The following PTPRN2 variants were observed in gnomAD, a reference collection of about 807,000 sequenced individuals.
The protein encoded by PTPRN2 is protein tyrosine phosphatase receptor type N2.
Under a neutral mutation model 118.8 loss-of-function variants are expected in PTPRN2, and 74 were observed. The observed-to-expected ratio is 0.62, with a 90% confidence interval of 0.52 to 0.76. The LOEUF is 0.76. PTPRN2 is among the 30% of genes least tolerant of loss of function. The probability of loss-of-function intolerance (pLI) is 0.00; values close to 1 mark genes in which losing one functional copy is unlikely to be tolerated. For missense variants in PTPRN2, 1,481 were observed against 1,394.4 expected (o/e 1.06, Z -0.99); for synonymous variants, 641 against 608.0 (o/e 1.05, Z -0.80).
intron 13 of PTPRN2, among the ~76,000 whole-genome samples, chr7:157,677,007 A>G (rs1796701173): frequency 6.6e-6 from 1 of 152,078 alleles, no homozygotes; most frequent in Non-Finnish European, 1.5e-5. Context: ...GTGCTGTGTG[A>G]GCACCCATCC....
In PTPRN2 at chr7:157,540,795, G is replaced by A. The variant is rs756935064; in HGVS notation, c.2977-10C>T. 1.0e-5 allele frequency: 16 copies of A among 1,552,388 alleles called. No homozygotes were observed. The East Asian group carries it at 3.6e-4, about 35-fold the overall frequency. Reference sequence around the variant, plus strand: ...CGAACTCAAACTGCTCCTGCAGGGCGAGAAACGAGAGAAGTGCCAATGAGA... The same window carrying A: ...CGAACTCAAACTGCTCCTGCAGGGCAAGAAACGAGAGAAGTGCCAATGAGA... On this transcript the variant is annotated splice_polypyrimidine_tract_variant and intron_variant, in intron 22 of 22. Transcript: ENST00000389418.
chr7:158,129,372 A>G (rs1199264804), intron 9 of PTPRN2, among the ~76,000 whole-genome samples: 1 of 150,244 alleles, frequency 6.7e-6, no homozygotes, highest in Non-Finnish European at 1.5e-5. Flanking sequence ...CACACCACAC[A>G]CAAACAACAC....
At chr7:157,613,966 G>A in intron 15 of PTPRN2, 3 of 468,418 alleles carry the variant, frequency 6.4e-6, no homozygotes, top group Non-Finnish European at 8.9e-6. Flanking sequence ...TCACAACTGT[G>A]ACTCTGTGAG....
chr7:158,253,464 G>C (rs1027746513), intron 3 of PTPRN2, among the ~76,000 whole-genome samples: 1 of 152,208 alleles, frequency 6.6e-6, no homozygotes, highest in African/African-American at 2.4e-5. Flanking sequence ...CAGTCACCGG[G>C]TGATTGCCGC....
intron 2 of PTPRN2, among the ~76,000 whole-genome samples, chr7:158,419,677 A>G (rs1305394307): frequency 6.6e-6 from 1 of 152,166 alleles, no homozygotes; most frequent in African/African-American, 2.4e-5. Flanking sequence ...CTTGGAGAAG[A>G]GAGTCGAATT....
chr7:158,383,542 C>T (rs1263774000), intron 2 of PTPRN2, among the ~76,000 whole-genome samples: 1 of 152,150 alleles, frequency 6.6e-6, no homozygotes, highest in Non-Finnish European at 1.5e-5. Flanking sequence ...GAACCAAAGA[C>T]TTTAAATAGC....
chr7:157,860,253 C>T (rs553377719), intron 12 of PTPRN2, among the ~76,000 whole-genome samples: 21 of 152,226 alleles, frequency 1.4e-4, no homozygotes, highest in Non-Finnish European at 2.8e-4. Context: ...TCAGAGGTCA[C>T]TGCAGTCAGG....
At chr7:158,171,300 T>TATATACATACATACATATATAC (rs1429813626) in intron 5 of PTPRN2, among the ~76,000 whole-genome samples, 1 of 28,122 alleles carries the variant, frequency 3.6e-5, no homozygotes, top group Non-Finnish European at 7.0e-5. Flanking sequence ...CACACATATA[T>TATATACATACATACATATATAC]ATACACACAT....
chr7:157,621,847 G>A (rs1205266507), intron 14 of PTPRN2, among the ~76,000 whole-genome samples: 1 of 151,262 alleles, frequency 6.6e-6, no homozygotes, highest in East Asian at 2.0e-4. Flanking sequence ...GCTGCTCCGC[G>A]TGCCCATTTC....
intron 15 of PTPRN2, among the ~76,000 whole-genome samples, chr7:157,606,346 G>A (rs1028667911): frequency 6.6e-5 from 10 of 152,316 alleles, no homozygotes; most frequent in South Asian, 2.1e-4. Context: ...CCTCCCCAGC[G>A]TGGGGGTGGG....
chr7:157,849,298 C>T (rs558677238), intron 12 of PTPRN2, among the ~76,000 whole-genome samples: 2 of 152,296 alleles, frequency 1.3e-5, no homozygotes, highest in East Asian at 1.9e-4. Flanking sequence ...ATGAGGCCAC[C>T]GTCATTCCCA....
rs527981061 is a variant in PTPRN2, at chr7:157,612,014, G to A, written c.2345-7939C>T. On this transcript the variant is annotated intron_variant, in intron 15 of 22. Coordinates refer to ENST00000389418, the MANE Select transcript of PTPRN2 (RefSeq NM_002847.5). ...ACCCTGACCTCCATTTCTGGCCTCC[G>A]GAATGGGAGACAGCCTGCTTTGGCC... Among the ~76,000 whole-genome samples, 50 of 152,308 alleles carry A rather than the reference G, an allele frequency of 3.3e-4. 2 individuals carry two copies. Among genetic ancestry groups the A allele is most frequent in the South Asian group, 1.4e-3 (7 of 4,828 alleles).
intron 12 of PTPRN2, among the ~76,000 whole-genome samples, chr7:157,815,112 G>T (rs749053719): frequency 1.2e-4 from 19 of 152,218 alleles, no homozygotes; most frequent in Non-Finnish European, 2.8e-4. Context: ...GCAGGCTCCG[G>T]CTGCTGGGCC....
intron 2 of PTPRN2, among the ~76,000 whole-genome samples, chr7:158,324,127 ACT>A (rs1397618948): frequency 6.6e-6 from 1 of 151,948 alleles, no homozygotes; most frequent in African/African-American, 2.4e-5. Flanking sequence ...ACATGCACAA[ACT>A]CACACGCCCA....
Position 157,729,669 on chromosome 7 carries a change from T to C in PTPRN2, c.1789-46732A>G, listed in dbSNP as rs73163899. On this transcript the variant is annotated intron_variant, in intron 12 of 22. Coordinates refer to ENST00000389418, the MANE Select transcript of PTPRN2 (RefSeq NM_002847.5). This position sits in a 1 kb window ranked among gnomAD's most constrained non-coding sequence, Gnocchi z 4.3. ...GTCCTGACCCAGTCCTGCAGGGAGG[T>C]CCTGGGAGGGTCGCTAGGGTGAGGA... Among the ~76,000 whole-genome samples the C allele has an allele frequency of 6.4e-3, 965 of 151,940 alleles. 5 individuals are homozygous for C. The highest frequency in any genetic ancestry group is 0.01 in the Non-Finnish European group (682 of 67,946).
At chr7:157,916,329 G>T (rs1235901488) in intron 11 of PTPRN2, among the ~76,000 whole-genome samples, 1 of 152,180 alleles carries the variant, frequency 6.6e-6, no homozygotes, top group Admixed American at 6.5e-5. Context: ...GGTCCCAGAT[G>T]GGCGGCTGGA....
At chr7:158,122,274 T>C (rs753406698) in intron 9 of PTPRN2, among the ~76,000 whole-genome samples, 1 of 152,138 alleles carries the variant, frequency 6.6e-6, no homozygotes, top group Non-Finnish European at 1.5e-5. Flanking sequence ...GTTTGTGACG[T>C]CTCTAAGCTC....
intron 1 of PTPRN2, among the ~76,000 whole-genome samples, chr7:158,575,460 G>A (rs1305565525): frequency 6.6e-6 from 1 of 152,158 alleles, no homozygotes; most frequent in Non-Finnish European, 1.5e-5. Flanking sequence ...AAACTCCTGG[G>A]CTCAAGTGAT....
At chr7:158,534,795 C>G (rs1393123860) in intron 1 of PTPRN2, among the ~76,000 whole-genome samples, 1 of 152,126 alleles carries the variant, frequency 6.6e-6, no homozygotes. Context: ...TGGCTCCAGG[C>G]AGCTCATCGA....
Sources: allele counts gnomAD v4.1 joint callset (sites outside exome capture counted in the v4.1 genomes callset), GRCh38; gene constraint gnomAD v4.1.1; non-coding constraint Gnocchi (gnomAD v3.1); transcripts MANE v1.5; gene names NCBI Gene and HGNC (gene_info 2026-07-23, HGNC 2026-07-21).